ERI1: variants seen among roughly 807,000 people sequenced by gnomAD.
The protein encoded by ERI1 is 3'-5' exoribonuclease 1.
Under a neutral mutation model 39.7 loss-of-function variants are expected in ERI1, and 39 were observed. That is an observed-to-expected ratio of 0.98 (90% CI 0.76 to 1.28). ERI1 has a LOEUF of 1.28. ERI1 is among the 50% of genes most tolerant of loss of function. ERI1 has a pLI of 0.00. For missense variants in ERI1, 581 were observed against 416.9 expected (o/e 1.39, Z -3.43); for synonymous variants, 204 against 149.6 (o/e 1.36, Z -2.65).
intron 3 of ERI1, among the ~76,000 whole-genome samples, chr8:9,015,141 G>GT (rs1234751259): frequency 6.6e-6 from 1 of 152,064 alleles, no homozygotes; most frequent in Non-Finnish European, 1.5e-5. Flanking sequence ...CTGGCCTCAG[G>GT]TGTTCTTTTT....
intron 3 of ERI1, 118 bp from the exon 4 acceptor site, chr8:9,016,204 G>A (rs1053892140): frequency 2.1e-6 from 1 of 471,032 alleles, no homozygotes; most frequent in Non-Finnish European, 3.8e-6. Flanking sequence ...AAAACTGGAA[G>A]GGTTTATGCC....
intron 2 of ERI1, 26 bp downstream of exon 2, chr8:9,008,174 A>G: frequency 6.7e-7 from 1 of 1,501,740 alleles, no homozygotes; most frequent in South Asian, 1.3e-5. Flanking sequence ...TTATAAAATT[A>G]TAAAAGTAGT....
chr8:9,039,330 C>G (rs920455438), intron 3 of ERI1, among the ~76,000 whole-genome samples: 3 of 152,154 alleles, frequency 2.0e-5, no homozygotes, highest in Non-Finnish European at 4.4e-5. Context: ...TCATTCATTT[C>G]ATGATACATG....
At chr8:9,015,452 A>G (rs980769118) in intron 3 of ERI1, among the ~76,000 whole-genome samples, 1 of 152,120 alleles carries the variant, frequency 6.6e-6, no homozygotes, top group Non-Finnish European at 1.5e-5. Flanking sequence ...GGAGCCTGAT[A>G]ACAATACTGG....
intron 1 of ERI1, chr8:9,004,087 C>G: frequency 5.4e-6 from 7 of 1,289,276 alleles, no homozygotes; most frequent in Non-Finnish European, 7.1e-6. Flanking sequence ...CCCTCGCTGC[C>G]TTGTGTTCTT....
chr8:9,019,568 A>G (rs527324717), intron 5 of ERI1, among the ~76,000 whole-genome samples: 2 of 152,284 alleles, frequency 1.3e-5, no homozygotes, highest in Non-Finnish European at 2.9e-5. Context: ...AAAACCAATC[A>G]TTAGAGTCTC....
intron 3 of ERI1, chr8:9,048,653 C>T (rs565917697): frequency 6.6e-6 from 1 of 152,222 alleles, no homozygotes; most frequent in African/African-American, 2.4e-5. Flanking sequence ...ATAATTCTGT[C>T]CTTTGTTTTG....
chr8:9,082,157 G>T (rs1235678664), intron 3 of ERI1, among the ~76,000 whole-genome samples: 1 of 152,172 alleles, frequency 6.6e-6, no homozygotes, highest in Non-Finnish European at 1.5e-5. Context: ...CTTCCATCAG[G>T]TGAGGTCCAC....
rs543130880 is a variant in ERI1, at chr8:9,003,188, C to T, written c.108+17C>T. 19 of 1,235,818 alleles carry T rather than the reference C, an allele frequency of 1.5e-5. No homozygotes were observed. The highest frequency in any genetic ancestry group is 3.9e-5 in the South Asian group (1 of 25,438). The allele number at this position is 1,235,818 out of a possible 1,614,324, so 76.6% of individuals were successfully genotyped here. ...AGTCCCGAGGTGAGGAGTCGACCCG[C>T]GCCTGGCTGTTGGCGCCAGCTGCCC... On this transcript the variant is annotated intron_variant, in intron 1 of 6. Coordinates refer to ENST00000250263, the MANE Select transcript of ERI1 (RefSeq NM_153332.4).
At chr8:9,023,837 C>G (rs375105839) in intron 6 of ERI1, among the ~76,000 whole-genome samples, 3 of 108,310 alleles carry the variant, frequency 2.8e-5, no homozygotes, top group African/African-American at 3.6e-5. Context: ...CTCACTCTGT[C>G]TCCCAAGCTG....
rs559921908 is a variant in ERI1, at chr8:9,044,785, C to T, written n.299+24321C>T. 1.8e-4 allele frequency among the ~76,000 whole-genome samples: 27 copies of T among 152,210 alleles called. 1 individual carries two copies. In the South Asian group the frequency reaches 3.7e-3, roughly 21 times the overall value. ...GACGGTATTTTCCCAGTGGAGTTCT[C>T]CTTTTCCTCAATGTGCAGATAGAGA... On this transcript the variant is annotated intron_variant and non_coding_transcript_variant, in intron 3 of 3. Transcript: ENST00000518663.
At chr8:9,081,702 T>TG (rs1266993850) in intron 3 of ERI1, among the ~76,000 whole-genome samples, 1 of 103,740 alleles carries the variant, frequency 9.6e-6, no homozygotes, top group African/African-American at 4.2e-5. Context: ...TTTTTTTTGG[T>TG]TTTTGTTTGT....
downstream of ERI1, among the ~76,000 whole-genome samples, chr8:9,037,960 C>T (rs7016139): frequency 0.39 from 59,467 of 151,048 alleles, 13,910 homozygotes; most frequent in East Asian, 0.68. Context: ...TGCCTTTCCT[C>T]TGTGTTGAGC....
chr8:9,087,162 C>A (rs530984237), intron 3 of ERI1, among the ~76,000 whole-genome samples: 1 of 151,996 alleles, frequency 6.6e-6, no homozygotes, highest in South Asian at 2.1e-4. Context: ...TTAAGCCCCA[C>A]ATGCATCAGG....
At chr8:9,070,930 C>G (rs904703188) in intron 3 of ERI1, among the ~76,000 whole-genome samples, 20 of 152,154 alleles carry the variant, frequency 1.3e-4, no homozygotes, top group African/African-American at 4.3e-4. Flanking sequence ...GGGTTGGGAG[C>G]TGGGACAGAG....
At chr8:9,056,653 A>G (rs1184063835) in intron 3 of ERI1, among the ~76,000 whole-genome samples, 1 of 151,962 alleles carries the variant, frequency 6.6e-6, no homozygotes, top group Non-Finnish European at 1.5e-5. Context: ...TCTAAAGTGC[A>G]TTTTTTTCGT....
intron 3 of ERI1, among the ~76,000 whole-genome samples, chr8:9,057,063 C>G (rs1341260615): frequency 6.6e-6 from 1 of 152,174 alleles, no homozygotes; most frequent in Non-Finnish European, 1.5e-5. Context: ...AAACTCCTGA[C>G]CTCAAGTGAT....
chr8:9,053,822 G>T (rs1032050097), intron 3 of ERI1, among the ~76,000 whole-genome samples: 1 of 152,222 alleles, frequency 6.6e-6, no homozygotes, highest in African/African-American at 2.4e-5. Flanking sequence ...GGAACTGATT[G>T]TAAGAATTCT....
At chr8:9,073,110 TGTCA>T (rs1284124670) in intron 3 of ERI1, among the ~76,000 whole-genome samples, 4 of 152,248 alleles carry the variant, frequency 2.6e-5, no homozygotes, top group Non-Finnish European at 4.4e-5. Flanking sequence ...TGGCTTCTGC[TGTCA>T]GTCAGTTTGA....
Sources: gnomAD v4.1 joint callset for allele counts (sites outside exome capture counted in the v4.1 genomes callset) on GRCh38, gnomAD v4.1.1 for gene constraint, MANE v1.5 for transcripts, NCBI Gene and HGNC (gene_info 2026-07-23, HGNC 2026-07-21) for gene names.